The following CEP85L variants were observed in gnomAD, a reference collection of about 807,000 sequenced individuals.
The protein encoded by CEP85L is centrosomal protein of 85 kDa-like.
A neutral mutation model predicts 100.3 loss-of-function variants in CEP85L; 60 were observed. The observed-to-expected ratio is 0.60, with a 90% CI of 0.49 to 0.74. The LOEUF is 0.74. Ranked by LOEUF, CEP85L falls within the 30% of genes least tolerant of loss-of-function variation. The probability of loss-of-function intolerance (pLI) is 0.00; values close to 1 mark genes in which losing one functional copy is unlikely to be tolerated. For missense variants in CEP85L, 973 were observed against 936.2 expected (o/e 1.04, Z -0.51); for synonymous variants, 319 against 322.7 (o/e 0.99, Z 0.12).
chr6:118,644,634 T>C (rs1431400403), intron 1 of CEP85L, among the ~76,000 whole-genome samples: 1 of 152,186 alleles, frequency 6.6e-6, no homozygotes, highest in East Asian at 1.9e-4. Context: ...ATGGCATCAC[T>C]ATCGATTATA....
At chr6:118,584,482 C>A (rs1780747008) in intron 2 of CEP85L, among the ~76,000 whole-genome samples, 2 of 152,218 alleles carry the variant, frequency 1.3e-5, no homozygotes, top group Admixed American at 6.5e-5. Context: ...TAAAACTCAT[C>A]TTTTAACCTG....
chr6:118,656,145 T>A (rs1775780868), upstream of CEP85L, among the ~76,000 whole-genome samples: 1 of 152,228 alleles, frequency 6.6e-6, no homozygotes, highest in Non-Finnish European at 1.5e-5. Flanking sequence ...TTTCTTTAGC[T>A]GTAGCCAGCA....
At chr6:118,537,208 TATTA>T (rs1242699404) in intron 3 of CEP85L, among the ~76,000 whole-genome samples, 3 of 152,120 alleles carry the variant, frequency 2.0e-5, no homozygotes, top group African/African-American at 7.2e-5. Flanking sequence ...ATTTATAACT[TATTA>T]ATGACAAAAC....
At chr6:118,529,620 A>AAAAAAAAC (rs1554213942) in intron 3 of CEP85L, among the ~76,000 whole-genome samples, 5 of 106,100 alleles carry the variant, frequency 4.7e-5, no homozygotes, top group African/African-American at 1.6e-4. Context: ...AAAAAAAAAA[A>AAAAAAAAC]AAAAAAAAAA....
chr6:118,616,244 G>A (rs995623127), intron 2 of CEP85L, among the ~76,000 whole-genome samples: 9 of 152,110 alleles, frequency 5.9e-5, no homozygotes, highest in African/African-American at 1.9e-4. Context: ...TGCTCTATGA[G>A]GCCAGATGTG....
In CEP85L at chr6:118,621,862, C is replaced by G. The variant is rs147452269; in HGVS notation, c.232+10591G>C. Among the ~76,000 whole-genome samples the G allele has an allele frequency of 3.7e-3, 564 of 152,276 alleles. 3 individuals are homozygous for G. The highest frequency in any genetic ancestry group is 0.013 in the African/African-American group (538 of 41,538). On this transcript the variant is annotated intron_variant, in intron 2 of 12. Coordinates refer to ENST00000368491, the MANE Select transcript of CEP85L (RefSeq NM_001042475.3). ...TGGATACAGTGAGAAGGCCAAGCCA[C>G]TCTATATTCTGATAAAGGAGACCCA... is the stretch of plus-strand genomic sequence containing the variant.
At chr6:118,578,686 G>GC (rs1780388210) in intron 2 of CEP85L, among the ~76,000 whole-genome samples, 1 of 152,038 alleles carries the variant, frequency 6.6e-6, no homozygotes, top group South Asian at 2.1e-4. Flanking sequence ...CCGAGACCGC[G>GC]CCACTGCACT....
chr6:118,649,392 T>C (rs530830675), intron 1 of CEP85L, among the ~76,000 whole-genome samples: 1 of 152,336 alleles, frequency 6.6e-6, no homozygotes, highest in African/African-American at 2.4e-5. Flanking sequence ...ATAGCAAATG[T>C]CTCTCTAGAG....
intron 1 of CEP85L, among the ~76,000 whole-genome samples, chr6:118,700,845 T>C (rs1428722236): frequency 6.6e-6 from 1 of 152,208 alleles, no homozygotes; most frequent in African/African-American, 2.4e-5. Flanking sequence ...CTCAAGAGTC[T>C]GCATGTTTAT....
intron 3 of CEP85L, among the ~76,000 whole-genome samples, chr6:118,537,119 A>G (rs562362679): frequency 5.9e-5 from 9 of 152,314 alleles, no homozygotes; most frequent in Admixed American, 1.3e-4. Flanking sequence ...TTCTACTTAG[A>G]ATTTCAAAGT....
chr6:118,667,725 G>A (rs1583242397), intron 1 of CEP85L, among the ~76,000 whole-genome samples: 1 of 152,146 alleles, frequency 6.6e-6, no homozygotes, highest in East Asian at 1.9e-4. Context: ...AAATGGCAGA[G>A]ATAAATCGTA....
intron 3 of CEP85L, among the ~76,000 whole-genome samples, chr6:118,528,032 T>C (rs1055690984): frequency 1.3e-5 from 2 of 152,062 alleles, no homozygotes; most frequent in African/African-American, 4.8e-5. Context: ...CACACCATAT[T>C]ATTTGAAGCT....
intron 1 of CEP85L, among the ~76,000 whole-genome samples, chr6:118,659,706 T>C (rs1190900243): frequency 6.6e-6 from 1 of 152,234 alleles, no homozygotes; most frequent in Non-Finnish European, 1.5e-5. Context: ...TGCTGTTGCC[T>C]TCTTTGCTCA....
intron 2 of CEP85L, among the ~76,000 whole-genome samples, chr6:118,571,312 C>T (rs573578729): frequency 6.6e-6 from 1 of 152,122 alleles, no homozygotes; most frequent in Non-Finnish European, 1.5e-5. Context: ...ATATCTGAAA[C>T]CAACAGAGGG....
Position 118,491,689 on chromosome 6 carries a change from T to C in CEP85L, c.1434A>G (p.Glu478=), listed in dbSNP as rs2114609426. ...CAACTTTATTAGAAAAACCTACTTT[T>C]TCCTCTAGTTTCTTCTTCTCTTCAC... The part of the protein sequence containing the change: ...LFSEEKKKLE[E]KLKTRDRYIS... Residue 478 remains glutamate, a synonymous_variant, in exon 6 of 13, where the codon GAA becomes GAG. Transcript: ENST00000368491. 6.2e-7 allele frequency: 1 copy of C among 1,610,182 alleles called. No homozygotes were observed. The highest frequency in any genetic ancestry group is 2.2e-5 in the East Asian group (1 of 44,794).
intron 2 of CEP85L, among the ~76,000 whole-genome samples, chr6:118,586,583 A>G (rs981485742): frequency 6.6e-6 from 1 of 152,162 alleles, no homozygotes; most frequent in African/African-American, 2.4e-5. Context: ...ATCACACTCA[A>G]GTCAAAGCCT....
At chr6:118,691,303 C>T (rs1213829983) in intron 1 of CEP85L, among the ~76,000 whole-genome samples, 2 of 151,928 alleles carry the variant, frequency 1.3e-5, no homozygotes, top group Non-Finnish European at 2.9e-5. Context: ...GAGGCCAAGG[C>T]GGGCGGATCA....
chr6:118,594,893 A>C (rs914155633), intron 2 of CEP85L, among the ~76,000 whole-genome samples: 2 of 149,094 alleles, frequency 1.3e-5, no homozygotes, highest in African/African-American at 4.9e-5. Flanking sequence ...AAAAAAAAAA[A>C]CCTCAAATTT....
intron 3 of CEP85L, among the ~76,000 whole-genome samples, chr6:118,532,384 G>A (rs1260820018): frequency 1.3e-5 from 2 of 151,770 alleles, no homozygotes; most frequent in Non-Finnish European, 2.9e-5. Context: ...GGATGGTGAG[G>A]GTAAAAAAAC....
Sources: allele counts gnomAD v4.1 joint callset (sites outside exome capture counted in the v4.1 genomes callset), GRCh38; gene constraint gnomAD v4.1.1; transcripts MANE v1.5; gene names NCBI Gene and HGNC (gene_info 2026-07-23, HGNC 2026-07-21).